The following KIF13B variants were observed in gnomAD, a reference collection of about 807,000 sequenced individuals.
The protein encoded by KIF13B is kinesin-like protein KIF13B.
A neutral mutation model predicts 222.0 loss-of-function variants in KIF13B; 127 were observed. The observed-to-expected ratio is 0.57, with a 90% CI of 0.50 to 0.66. The LOEUF is 0.66. Ranked by LOEUF, KIF13B falls within the 30% of genes least tolerant of loss-of-function variation. KIF13B has a pLI of 0.00. For synonymous variants in KIF13B, 976 were observed against 919.0 expected (o/e 1.06, Z -1.12); for missense variants, 2,173 against 2,379.0 (o/e 0.91, Z 1.80).
chr8:29,085,004 A>G (rs1807980664), intron 37 of KIF13B, among the ~76,000 whole-genome samples: 1 of 152,280 alleles, frequency 6.6e-6, no homozygotes, highest in Non-Finnish European at 1.5e-5. Context: ...AAAATGAGAA[A>G]CATAAGTCCT....
intron 8 of KIF13B, among the ~76,000 whole-genome samples, chr8:29,178,534 A>G (rs1256621183): frequency 6.6e-6 from 1 of 152,130 alleles, no homozygotes; most frequent in Non-Finnish European, 1.5e-5. Flanking sequence ...AACCAACACC[A>G]AAATCTATAG....
At chr8:29,081,917 C>G (rs1807833057) in intron 37 of KIF13B, among the ~76,000 whole-genome samples, 1 of 152,170 alleles carries the variant, frequency 6.6e-6, no homozygotes, top group Non-Finnish European at 1.5e-5. Flanking sequence ...AGTTGGCTTA[C>G]TAAAAGTACA....
At position 29,148,721 on chromosome 8, in the gene KIF13B, C is replaced by T; in HGVS notation, c.1669G>A (p.Asp557Asn). The T allele has an allele frequency of 6.2e-7, 1 of 1,607,958 alleles. No individual in the cohort carries two copies. The highest frequency in any genetic ancestry group is 1.3e-5 in the African/African-American group (1 of 74,860). Residue 557 changes from aspartate to asparagine, a missense_variant, in exon 16 of 40, where the codon GAC becomes AAC. This residue lies in a region of KIF13B where 1,480 missense variants were observed against 1,722.8 expected (regional missense o/e 0.86). Coordinates refer to ENST00000524189, the MANE Select transcript of KIF13B (RefSeq NM_015254.4). ...KKKKAEREDE[D>N]QDPSMKNENS... ...TCGTTCTTCATGGAGGGATCCTGGT[C>T]CTCATCCTCTCGTTCTGCTTTCTTT...
At chr8:29,122,848 A>G (rs1809937387) in intron 28 of KIF13B, among the ~76,000 whole-genome samples, 1 of 152,246 alleles carries the variant, frequency 6.6e-6, no homozygotes. Flanking sequence ...ATTTGAACTT[A>G]GCCTTATAAG....
intron 2 of KIF13B, among the ~76,000 whole-genome samples, chr8:29,242,719 C>T (rs1189654041): frequency 1.3e-5 from 2 of 152,178 alleles, no homozygotes; most frequent in South Asian, 4.1e-4. Flanking sequence ...AGGAAGAGTT[C>T]GTCATTTATC....
rs778014893 is a variant in KIF13B at position 29,113,519 on chromosome 8, G to A, written c.3874C>T (p.Arg1292Ter). The change falls in exon 32 of 40, where the codon CGA becomes TGA. Residue 1292 changes from arginine to a stop codon, truncating the protein, a stop_gained. Coordinates refer to ENST00000524189, the MANE Select transcript of KIF13B (RefSeq NM_015254.4). LOFTEE classifies it high-confidence loss of function. ...ACTCCACAGCCAGGAATAGAACTTC[G>A]ATGAGACATCTTTTTTAGGAGACTC... ...AQSLLKKMSH[R>*]SSIPGCGVTF... The A allele has an allele frequency of 6.3e-7, 1 of 1,593,062 alleles. No homozygotes were observed.
Position 29,148,660 on chromosome 8 carries a change from G to T in KIF13B, c.1730C>A (p.Ser577Tyr). The T allele has an allele frequency of 6.2e-7, 1 of 1,613,076 alleles. No homozygotes were observed. Among genetic ancestry groups the T allele is most frequent in the South Asian group, 1.1e-5 (1 of 90,724 alleles). The part of the protein sequence containing the change: ...SSEQLDVDGD[S>Y]SSEVSSEVNF... ...AACTTCACTGGACACCTCGCTGGAGGAGTCTCCGTCTACATCCAGCTGCTC... is the reference window on the plus strand; with the variant it reads ...AACTTCACTGGACACCTCGCTGGAGTAGTCTCCGTCTACATCCAGCTGCTC... Residue 577 changes from serine (S) to tyrosine (Y), a missense_variant, in exon 16 of 40, where the codon TCC becomes TAC. By Grantham distance (144) the Ser-to-Tyr change is moderately radical. Coordinates refer to ENST00000524189, the MANE Select transcript of KIF13B (RefSeq NM_015254.4).
At chr8:29,247,555 G>C (rs1284971882) in intron 1 of KIF13B, among the ~76,000 whole-genome samples, 1 of 152,128 alleles carries the variant, frequency 6.6e-6, no homozygotes, top group East Asian at 1.9e-4. Context: ...TAGGCCAGGT[G>C]CAATGGCTCA....
chr8:29,070,300 G>T lies in KIF13B; in HGVS notation c.*204C>A. On this transcript the variant is annotated 3_prime_UTR_variant, in exon 40 of 40. Coordinates refer to ENST00000524189, the MANE Select transcript of KIF13B (RefSeq NM_015254.4). This position sits in a 1 kb window ranked among gnomAD's most constrained non-coding sequence, Gnocchi z 4.1. Reference sequence around the variant, plus strand: ...CCTTCCATCCACCTGAGGAGGCACAGTTGAGGCCCCCACTTTACCCGGGTA... The same window carrying T: ...CCTTCCATCCACCTGAGGAGGCACATTTGAGGCCCCCACTTTACCCGGGTA... 1.6e-6 allele frequency: 1 copy of T among 614,396 alleles called. No individual in the cohort carries two copies. Among genetic ancestry groups the T allele is most frequent in the Non-Finnish European group, 2.8e-6 (1 of 355,984 alleles). 38.1% of individuals were successfully genotyped at this position (614,396 alleles called of 1,614,324 possible).
chr8:29,085,017 T>G (rs1174879706), intron 37 of KIF13B, among the ~76,000 whole-genome samples: 1 of 152,270 alleles, frequency 6.6e-6, no homozygotes, highest in African/African-American at 2.4e-5. Context: ...TAAGTCCTTA[T>G]GAATATGTTC....
At chr8:29,134,885 G>A (rs1213096700) in intron 21 of KIF13B, among the ~76,000 whole-genome samples, 1 of 152,170 alleles carries the variant, frequency 6.6e-6, no homozygotes, top group Non-Finnish European at 1.5e-5. Flanking sequence ...GGGGGAAGGT[G>A]TATCAAAGGA....
At chr8:29,105,087 G>T (rs2133592809) in intron 35 of KIF13B, among the ~76,000 whole-genome samples, 1 of 152,008 alleles carries the variant, frequency 6.6e-6, no homozygotes, top group Non-Finnish European at 1.5e-5. Context: ...CCCTGCCTCA[G>T]CCTCGAATAG....
At chr8:29,223,321 G>C (rs13263888) in intron 2 of KIF13B, among the ~76,000 whole-genome samples, 76,668 of 136,792 alleles carry the variant, frequency 0.56, 23,259 homozygotes, top group Middle Eastern at 0.74. Flanking sequence ...GAGTGAGAGA[G>C]ACCCTGTCTC....
At chr8:29,087,150 A>G (rs576834934) in intron 37 of KIF13B, among the ~76,000 whole-genome samples, 2 of 152,330 alleles carry the variant, frequency 1.3e-5, no homozygotes, top group South Asian at 4.1e-4. Context: ...TAATGTATAT[A>G]ACACAGTCTC....
rs147089450 is a variant in KIF13B at position 29,098,170 on chromosome 8, C to CAAAAAAAAAAAA, written c.4324+951_4324+962dup. On this transcript the variant is annotated intron_variant, in intron 36 of 39. Transcript: ENST00000524189. Reference sequence around the variant, plus strand: ...TGGGCGACAGAGTCAGACTCCATCTCAAAAAAAAAAAAAAAAAAAAGTAAG... The same window carrying CAAAAAAAAAAAA: ...TGGGCGACAGAGTCAGACTCCATCTCAAAAAAAAAAAAAAAAAAAAAAAAAAAAAAAAGTAAG... Among the ~76,000 whole-genome samples the CAAAAAAAAAAAA allele has an allele frequency of 2.3e-3, 71 of 30,304 alleles. 6 individuals are homozygous for CAAAAAAAAAAAA. The highest frequency in any genetic ancestry group is 8.8e-3 in the African/African-American group (54 of 6,102). 19.9% of individuals were successfully genotyped at this position (30,304 alleles called of 152,430 possible). A position where few individuals can be genotyped will look rare whatever the true frequency, so the allele number is the denominator to read the frequency against.
chr8:29,126,062 G>A (rs935374602), intron 26 of KIF13B, among the ~76,000 whole-genome samples: 1 of 151,970 alleles, frequency 6.6e-6, no homozygotes, highest in Non-Finnish European at 1.5e-5. Context: ...ACTCCAGCCT[G>A]GGCAACAGGG....
chr8:29,072,297 G>A lies in KIF13B; in HGVS notation c.4541C>T (p.Pro1514Leu). Residue 1514 changes from proline to leucine, a missense_variant, in exon 39 of 40, where the codon CCT becomes CTT. Pro to Leu is a moderately conservative substitution (Grantham distance 98, BLOSUM62 -3). Coordinates refer to ENST00000524189, the MANE Select transcript of KIF13B (RefSeq NM_015254.4). ...RMEEAQPEMG[P>L]DVLVQTMGAP... Reference sequence around the variant, plus strand: ...CCCCATCGTCTGCACCAGCACGTCAGGGCCCATCTCCGGCTGAGCCTGCAG... The same window carrying A: ...CCCCATCGTCTGCACCAGCACGTCAAGGCCCATCTCCGGCTGAGCCTGCAG... 7.0e-7 allele frequency: 1 copy of A among 1,436,158 alleles called. No individual in the cohort carries two copies. Among genetic ancestry groups the A allele is most frequent in the East Asian group, 2.8e-5 (1 of 36,306 alleles). 89.0% of individuals were successfully genotyped at this position (1,436,158 alleles called of 1,614,324 possible).
intron 2 of KIF13B, among the ~76,000 whole-genome samples, chr8:29,244,052 C>T (rs1167769184): frequency 6.6e-6 from 1 of 151,992 alleles, no homozygotes; most frequent in African/African-American, 2.4e-5. Flanking sequence ...CTCGCTCTGT[C>T]GCCCAGGCTG....
chr8:29,153,187 C>T (rs1399362166), intron 14 of KIF13B, among the ~76,000 whole-genome samples: 1 of 152,056 alleles, frequency 6.6e-6, no homozygotes, highest in Non-Finnish European at 1.5e-5. Context: ...ATTTGTTCCA[C>T]AGTATATTAA....
Sources: allele counts gnomAD v4.1 joint callset (sites outside exome capture counted in the v4.1 genomes callset), GRCh38; gene constraint gnomAD v4.1.1; regional missense constraint gnomAD v4.1.1; non-coding constraint Gnocchi (gnomAD v3.1); transcripts MANE v1.5; gene names NCBI Gene and HGNC (gene_info 2026-07-23, HGNC 2026-07-21).